EPB41L4B: variants seen among roughly 807,000 people sequenced by gnomAD.
EPB41L4B encodes the protein band 4.1-like protein 4B.
Under a neutral mutation model 112.5 loss-of-function variants are expected in EPB41L4B, and 30 were observed. That is an observed-to-expected ratio of 0.27 (90% CI 0.20 to 0.36). The LOEUF (loss-of-function observed/expected upper bound fraction) is 0.36, where lower values mean the gene tolerates loss of function less well. Among genes scored for constraint, EPB41L4B ranks in the 10% least tolerant of loss-of-function variants. The pLI, the probability that EPB41L4B is intolerant of heterozygous loss-of-function variation, is 1.00. For missense variants in EPB41L4B, 1,024 were observed against 1,133.3 expected (o/e 0.90, Z 1.38); for synonymous variants, 408 against 439.7 (o/e 0.93, Z 0.90).
At chr9:109,236,760 T>A (rs191742863) in intron 15 of EPB41L4B, among the ~76,000 whole-genome samples, 1 of 152,338 alleles carries the variant, frequency 6.6e-6, no homozygotes, top group Admixed American at 6.5e-5. Flanking sequence ...CCCCAGGGTT[T>A]CTTACAATGT....
chr9:109,233,873 C>T (rs893597561), intron 15 of EPB41L4B, among the ~76,000 whole-genome samples: 9 of 152,188 alleles, frequency 5.9e-5, no homozygotes, highest in African/African-American at 2.2e-4. Flanking sequence ...AATATCAACT[C>T]ATTCAAGCCT....
intron 6 of EPB41L4B, among the ~76,000 whole-genome samples, chr9:109,261,788 T>C (rs759394079): frequency 6.4e-4 from 98 of 152,286 alleles, no homozygotes; most frequent in Non-Finnish European, 1.1e-3. Flanking sequence ...TATTCTGTAG[T>C]AAGTGTGTAC....
chr9:109,301,571 A>C (rs954803301), intron 1 of EPB41L4B, among the ~76,000 whole-genome samples: 5 of 152,178 alleles, frequency 3.3e-5, no homozygotes, highest in African/African-American at 1.2e-4. Flanking sequence ...TCCACAGATT[A>C]GTTCTGCCAG....
chr9:109,174,724 T>A, intron 25 of EPB41L4B, 101 bp from the exon 26 acceptor site: 1 of 929,446 alleles, frequency 1.1e-6, no homozygotes. Flanking sequence ...GATCTCAGTG[T>A]TGGACTTTCT....
chr9:109,222,465 A>C (rs1458312754), intron 15 of EPB41L4B, among the ~76,000 whole-genome samples: 1 of 152,164 alleles, frequency 6.6e-6, no homozygotes, highest in Non-Finnish European at 1.5e-5. Flanking sequence ...CACCGACTAC[A>C]ATGTAAATGA....
At chr9:109,174,704 G>T in intron 25 of EPB41L4B, 81 bp from the exon 26 acceptor site, 1 of 1,183,704 alleles carries the variant, frequency 8.4e-7, no homozygotes, top group Non-Finnish European at 1.2e-6. Flanking sequence ...CATCTCCCAG[G>T]TTCTTTCCTG....
chr9:109,291,523 C>G (rs888901790), intron 1 of EPB41L4B, among the ~76,000 whole-genome samples: 2 of 152,128 alleles, frequency 1.3e-5, no homozygotes, highest in African/African-American at 4.8e-5. Flanking sequence ...TGAGAAGGGA[C>G]GTCAACAGTC....
intron 14 of EPB41L4B, among the ~76,000 whole-genome samples, chr9:109,245,926 C>T (rs1347958168): frequency 1.3e-5 from 2 of 152,186 alleles, no homozygotes; most frequent in Non-Finnish European, 2.9e-5. Context: ...AAGCAGAAAA[C>T]GCACAGTGAG....
intron 25 of EPB41L4B, among the ~76,000 whole-genome samples, chr9:109,175,606 A>T (rs1831797214): frequency 6.6e-6 from 1 of 151,490 alleles, no homozygotes; most frequent in South Asian, 2.1e-4. Context: ...TCCTGGCCTC[A>T]ACTGATCCTC....
At chr9:109,296,542 G>A (rs770124059) in intron 1 of EPB41L4B, among the ~76,000 whole-genome samples, 3 of 152,154 alleles carry the variant, frequency 2.0e-5, no homozygotes, top group Non-Finnish European at 2.9e-5. Flanking sequence ...CTATGGGACG[G>A]GCCTGGGGAT....
chr9:109,255,456 T>C, intron 11 of EPB41L4B, 55 bp downstream of exon 11: 1 of 1,593,270 alleles, frequency 6.3e-7, no homozygotes, highest in Non-Finnish European at 8.6e-7. Flanking sequence ...AAGAAAGAAA[T>C]CACAGTTGCC....
At chr9:109,226,615 TATATATATATATATGAAGA>T (rs1191006329) in intron 15 of EPB41L4B, among the ~76,000 whole-genome samples, 6 of 102,624 alleles carry the variant, frequency 5.8e-5, no homozygotes, top group East Asian at 2.6e-4. Flanking sequence ...TTCATATATA[TATATATATATATATGAAGA>T]ATATATATAT....
rs751676061 is a variant in EPB41L4B, at chr9:109,241,792, T to G, written c.1409+1826A>C. On this transcript the variant is annotated intron_variant, in intron 15 of 25. Transcript: ENST00000374566. ...GGCCGATGCTTTCCAATGCGACCTGTCATCCTGAAAGGATGGCCTGTTTTG... is the reference window on the plus strand; with the variant it reads ...GGCCGATGCTTTCCAATGCGACCTGGCATCCTGAAAGGATGGCCTGTTTTG... The G allele has an allele frequency of 7.4e-6, 12 of 1,614,066 alleles. No individual in the cohort carries two copies. In the South Asian group the frequency reaches 1.3e-4, roughly 18 times the overall value.
chr9:109,318,739 C>G (rs1837728833), intron 1 of EPB41L4B, among the ~76,000 whole-genome samples: 1 of 152,172 alleles, frequency 6.6e-6, no homozygotes, highest in African/African-American at 2.4e-5. Context: ...TTAAAGGCAA[C>G]AGCTCTAAGC....
In EPB41L4B at chr9:109,173,264, C is replaced by T. The variant is rs1373068421; in HGVS notation, c.*1290G>A. 2.0e-5 allele frequency: 3 copies of T among 152,608 alleles called. No homozygotes were observed. Among genetic ancestry groups the T allele is most frequent in the Non-Finnish European group, 4.4e-5 (3 of 68,036 alleles). 9.5% of individuals were successfully genotyped at this position (152,608 alleles called of 1,614,324 possible). On this transcript the variant is annotated 3_prime_UTR_variant, in exon 26 of 26. Coordinates refer to ENST00000374566, the MANE Select transcript of EPB41L4B (RefSeq NM_019114.5). ...GGGTGGGGAGGCTAAACTAGATGAC[C>T]TTTAAGGTCCTTCCAACCCAAAGAT...
Position 109,208,018 on chromosome 9 carries a change from A to G in EPB41L4B, c.1784T>C (p.Leu595Pro). ...AGGGGAAGGCAAAAGTGGAGTCTGA[A>G]GAGTTTTCTCCGAGACTTTCTTTTC... Reference protein sequence around the residue: ...AEEKKVSEKTLQTPLLPSPVA... With the variant: ...AEEKKVSEKTPQTPLLPSPVA... The change falls in exon 18 of 26, where the codon CTT becomes CCT. Residue 595 changes from leucine to proline, a missense_variant. Transcript: ENST00000374566. 6.2e-7 allele frequency: 1 copy of G among 1,614,180 alleles called. No homozygotes were observed. Among genetic ancestry groups the G allele is most frequent in the Non-Finnish European group, 8.5e-7 (1 of 1,180,024 alleles).
intron 15 of EPB41L4B, among the ~76,000 whole-genome samples, chr9:109,235,442 C>T (rs1834106844): frequency 7.3e-6 from 1 of 136,578 alleles, no homozygotes; most frequent in Admixed American, 8.1e-5. Context: ...GTCACCCAGG[C>T]TGGAGTGCAA....
chr9:109,215,187 C>T (rs1833317429), intron 16 of EPB41L4B, among the ~76,000 whole-genome samples: 1 of 152,218 alleles, frequency 6.6e-6, no homozygotes, highest in African/African-American at 2.4e-5. Context: ...ACCCTCTACC[C>T]TATTTCATGG....
intron 6 of EPB41L4B, 78 bp downstream of exon 6, chr9:109,262,972 G>A: frequency 2.0e-6 from 2 of 997,372 alleles, no homozygotes; most frequent in Non-Finnish European, 3.1e-6. Context: ...CACTGGGCCT[G>A]GTATACTGTG....
Sources: allele counts gnomAD v4.1 joint callset (sites outside exome capture counted in the v4.1 genomes callset), GRCh38; gene constraint gnomAD v4.1.1; transcripts MANE v1.5; gene names NCBI Gene and HGNC (gene_info 2026-07-23, HGNC 2026-07-21).